Variants in RBFOX1 observed in about 807,000 individuals in gnomAD.
The protein encoded by RBFOX1 is RNA binding protein fox-1 homolog 1.
In RBFOX1, 8 loss-of-function variants were observed where a neutral mutation model predicts 57.7. The observed-to-expected ratio is 0.14, with a 90% CI of 0.08 to 0.25. The LOEUF (loss-of-function observed/expected upper bound fraction) is 0.25. Ranked by LOEUF, RBFOX1 falls within the 10% of genes least tolerant of loss-of-function variation. The pLI is 1.00. For missense variants in RBFOX1, 611 were observed against 548.5 expected (o/e 1.11, Z -1.14); for synonymous variants, 326 against 222.4 (o/e 1.47, Z -4.15).
intron 2 of RBFOX1, among the ~76,000 whole-genome samples, chr16:6,409,721 C>A (rs1023017283): frequency 6.6e-6 from 1 of 152,114 alleles, no homozygotes; most frequent in South Asian, 2.1e-4. Flanking sequence ...CAGCTGCAAA[C>A]CACTGTCTTA....
intron 1 of RBFOX1, among the ~76,000 whole-genome samples, chr16:5,274,388 G>A (rs911621750): frequency 6.6e-6 from 1 of 152,130 alleles, no homozygotes; most frequent in African/African-American, 2.4e-5. Flanking sequence ...AATTAGCCAG[G>A]CGTGGTCGTG....
chr16:7,374,349 T>G (rs1328505650), intron 4 of RBFOX1, among the ~76,000 whole-genome samples: 1 of 152,210 alleles, frequency 6.6e-6, no homozygotes, highest in Non-Finnish European at 1.5e-5. Flanking sequence ...ACTAAATAAA[T>G]ATTCCTGTCT....
In RBFOX1 at chr16:5,856,271, A is replaced by G. The variant is rs1404926015; in HGVS notation, c.319-11032A>G. ...TATATGTATATATATGTATATATAT[A>G]TACACATATATATACACACACACAC... On this transcript the variant is annotated intron_variant, in intron 3 of 19. Coordinates refer to the RBFOX1 transcript ENST00000641259. 1.3e-4 allele frequency among the ~76,000 whole-genome samples: 5 copies of G among 37,488 alleles called. 1 individual carries two copies. Among genetic ancestry groups the G allele is most frequent in the African/African-American group, 4.6e-4 (5 of 10,902 alleles). The allele number at this position is 37,488 out of a possible 152,430, so 24.6% of individuals were successfully genotyped here.
In RBFOX1 at chr16:5,984,948, A is replaced by ATG. The variant is rs1295633600; in HGVS notation, c.351+117614_351+117615insGT. 2.4e-3 allele frequency among the ~76,000 whole-genome samples: 128 copies of ATG among 53,952 alleles called. 1 individual carries two copies. The highest frequency in any genetic ancestry group is 3.4e-3 in the Non-Finnish European group (110 of 32,740). 35.4% of individuals were successfully genotyped at this position (53,952 alleles called of 152,430 possible). A position where few individuals can be genotyped will look rare whatever the true frequency, so the allele number is the denominator to read the frequency against. On this transcript the variant is annotated intron_variant, in intron 4 of 19. Coordinates refer to the RBFOX1 transcript ENST00000641259. ...TACACCTGTATAGGGCAACTCCATTATATATATATATATATATATATATAT... is the reference window on the plus strand; with the variant it reads ...TACACCTGTATAGGGCAACTCCATTATGTATATATATATATATATATATATAT...
chr16:5,547,690 T>C (rs1235556661), intron 2 of RBFOX1, among the ~76,000 whole-genome samples: 1 of 152,172 alleles, frequency 6.6e-6, no homozygotes, highest in East Asian at 1.9e-4. Context: ...GTGCTGCATG[T>C]ACACAATGGA....
intron 9 of RBFOX1, 79 bp from the exon 10 acceptor site, chr16:7,607,206 T>G: frequency 7.5e-7 from 1 of 1,335,940 alleles, no homozygotes; most frequent in South Asian, 1.3e-5. Flanking sequence ...CTTTAACCCA[T>G]TTGATTTGTG....
intron 1 of RBFOX1, among the ~76,000 whole-genome samples, chr16:5,464,495 C>T (rs1361211263): frequency 6.6e-6 from 1 of 152,188 alleles, no homozygotes; most frequent in Admixed American, 6.5e-5. Context: ...TCTGGGTGGG[C>T]AGGGAACCCA....
chr16:6,087,238 C>T (rs993316183), intron 1 of RBFOX1, among the ~76,000 whole-genome samples: 3 of 152,162 alleles, frequency 2.0e-5, no homozygotes, highest in African/African-American at 4.8e-5. Context: ...TTAGGTCCAA[C>T]GAAAAGGTGT....
At chr16:7,032,261 C>T (rs2042996509) in intron 3 of RBFOX1, among the ~76,000 whole-genome samples, 1 of 151,864 alleles carries the variant, frequency 6.6e-6, no homozygotes, top group African/African-American at 2.4e-5. Context: ...CCCATCTCTA[C>T]TAAAAAAACA....
intron 3 of RBFOX1, among the ~76,000 whole-genome samples, chr16:6,834,012 G>A (rs189265672): frequency 1.3e-5 from 2 of 152,188 alleles, no homozygotes; most frequent in East Asian, 3.9e-4. Context: ...ACACTGGGAA[G>A]CCATTGGAGG....
intron 3 of RBFOX1, among the ~76,000 whole-genome samples, chr16:5,681,416 TTCTC>T (rs1298050896): frequency 6.7e-6 from 1 of 148,536 alleles, no homozygotes; most frequent in Non-Finnish European, 1.5e-5. Flanking sequence ...GAGGTGGAGT[TTCTC>T]TCTTGTTGTC....
At chr16:7,696,679 G>C (rs1598341547) in intron 14 of RBFOX1, among the ~76,000 whole-genome samples, 4 of 152,236 alleles carry the variant, frequency 2.6e-5, no homozygotes, top group South Asian at 4.2e-4. Flanking sequence ...AGATCCCAAA[G>C]CACGTATATG....
chr16:7,144,384 A>G (rs553468359), intron 4 of RBFOX1, among the ~76,000 whole-genome samples: 31 of 148,034 alleles, frequency 2.1e-4, no homozygotes, highest in African/African-American at 7.8e-4. Context: ...ACCCAGGTTA[A>G]AACTTCTTCT....
chr16:5,446,719 G>A (rs937811809), intron 1 of RBFOX1, among the ~76,000 whole-genome samples: 3 of 152,080 alleles, frequency 2.0e-5, no homozygotes, highest in African/African-American at 4.8e-5. Context: ...CAAGCAGAGT[G>A]ACTTGGTAGC....
intron 3 of RBFOX1, among the ~76,000 whole-genome samples, chr16:5,664,234 G>T (rs1003465396): frequency 6.6e-6 from 1 of 152,192 alleles, no homozygotes; most frequent in African/African-American, 2.4e-5. Context: ...CTGTGCAACG[G>T]AGTCAGTTGT....
chr16:7,265,850 C>T (rs1016043694), intron 4 of RBFOX1, among the ~76,000 whole-genome samples: 1 of 152,022 alleles, frequency 6.6e-6, no homozygotes, highest in Non-Finnish European at 1.5e-5. Context: ...AAATATAACT[C>T]CCAATGCTGG....
At chr16:6,046,878 G>A (rs2095501131) in intron 1 of RBFOX1, among the ~76,000 whole-genome samples, 1 of 152,178 alleles carries the variant, frequency 6.6e-6, no homozygotes, top group Non-Finnish European at 1.5e-5. Flanking sequence ...ATTACATTGG[G>A]TGATTATGGA....
At chr16:5,271,252 G>C (rs192470824) in intron 1 of RBFOX1, among the ~76,000 whole-genome samples, 2 of 152,188 alleles carry the variant, frequency 1.3e-5, no homozygotes, top group African/African-American at 4.8e-5. Flanking sequence ...TACTCTGAAG[G>C]CTGAGGTGGG....
At chr16:5,476,226 A>G (rs1405734344) in intron 2 of RBFOX1, among the ~76,000 whole-genome samples, 2 of 152,222 alleles carry the variant, frequency 1.3e-5, no homozygotes, top group African/African-American at 2.4e-5. Flanking sequence ...TCTGCAGTGT[A>G]CACATATCGC....
Sources: allele counts gnomAD v4.1 joint callset (sites outside exome capture counted in the v4.1 genomes callset), GRCh38; gene constraint gnomAD v4.1.1; transcripts MANE v1.5; gene names NCBI Gene and HGNC (gene_info 2026-07-23, HGNC 2026-07-21).